The following SDK1 variants were observed in gnomAD, a reference collection of about 807,000 sequenced individuals.
The protein encoded by SDK1 is protein sidekick-1.
Under a neutral mutation model 245.5 loss-of-function variants are expected in SDK1, and 157 were observed. That is an observed-to-expected ratio of 0.64 (90% CI 0.56 to 0.73). The LOEUF is 0.73. Ranked by LOEUF, SDK1 falls within the 30% of genes least tolerant of loss-of-function variation. The pLI is 0.00. For missense variants in SDK1, 3,583 were observed against 3,002.3 expected, an observed-to-expected ratio of 1.19 and a Z score of -4.52; for synonymous variants, 1,647 against 1,278.5, an observed-to-expected ratio of 1.29 and a Z score of -6.15.
chr7:3,650,111 A>G (rs1180841104), intron 4 of SDK1, among the ~76,000 whole-genome samples: 1 of 151,930 alleles, frequency 6.6e-6, no homozygotes, highest in African/African-American at 2.4e-5. Flanking sequence ...CTGCCATGGC[A>G]TGATCATAGC....
In SDK1 at chr7:3,844,403, A is replaced by T. The variant is rs111801081; in HGVS notation, c.847+22820A>T. Among the ~76,000 whole-genome samples the T allele has an allele frequency of 2.2e-3, 339 of 152,224 alleles. 6 individuals carry two copies. In the South Asian group the frequency reaches 0.029, roughly 13 times the overall value. On this transcript the variant is annotated intron_variant, in intron 5 of 44. Coordinates refer to ENST00000404826, the MANE Select transcript of SDK1 (RefSeq NM_152744.4). ...TACACAGACAGGTGAGGAGGAGAGT[A>T]CTCCATCAGACCCACCCTAAATTGA...
intron 4 of SDK1, among the ~76,000 whole-genome samples, chr7:3,686,015 G>T (rs1308407565): frequency 1.3e-5 from 2 of 152,160 alleles, no homozygotes; most frequent in African/African-American, 2.4e-5. Context: ...CTCACTTAAA[G>T]TGCAATGACA....
chr7:3,774,073 G>T (rs1354933939), intron 4 of SDK1, among the ~76,000 whole-genome samples: 1 of 152,112 alleles, frequency 6.6e-6, no homozygotes. Flanking sequence ...AAATTAGCCA[G>T]GCATGGTGGC....
At chr7:3,469,850 T>G (rs922238108) in intron 1 of SDK1, among the ~76,000 whole-genome samples, 5 of 152,192 alleles carry the variant, frequency 3.3e-5, no homozygotes, top group African/African-American at 1.2e-4. Flanking sequence ...TCCTAAGATT[T>G]CAGATCAGGT....
intron 1 of SDK1, among the ~76,000 whole-genome samples, chr7:3,604,715 G>T (rs1337559229): frequency 1.3e-5 from 2 of 149,982 alleles, no homozygotes; most frequent in African/African-American, 4.9e-5. Flanking sequence ...TGATTCTGCT[G>T]CCTCAGCCTC....
intron 4 of SDK1, among the ~76,000 whole-genome samples, chr7:3,702,122 T>C (rs1356207881): frequency 1.3e-5 from 2 of 152,102 alleles, no homozygotes; most frequent in Non-Finnish European, 2.9e-5. Context: ...AGTCCATAAA[T>C]GTAAAAATTC....
intron 32 of SDK1, among the ~76,000 whole-genome samples, chr7:4,163,875 G>A (rs1781329463): frequency 6.6e-6 from 1 of 152,190 alleles, no homozygotes; most frequent in African/African-American, 2.4e-5. Flanking sequence ...TATGAAAGTG[G>A]CAATTTATGT....
intron 19 of SDK1, among the ~76,000 whole-genome samples, chr7:4,064,620 C>G (rs889613658): frequency 6.6e-6 from 1 of 152,192 alleles, no homozygotes; most frequent in African/African-American, 2.4e-5. Context: ...CCCATGCTTA[C>G]TGCAGCACCA....
intron 1 of SDK1, among the ~76,000 whole-genome samples, chr7:3,557,715 T>C (rs1439229030): frequency 3.9e-5 from 6 of 152,214 alleles, no homozygotes; most frequent in Non-Finnish European, 8.8e-5. Flanking sequence ...CTCTTTGTAT[T>C]ACATCCTATA....
chr7:3,509,497 T>C (rs944643059), intron 1 of SDK1, among the ~76,000 whole-genome samples: 1 of 152,228 alleles, frequency 6.6e-6, no homozygotes, highest in Non-Finnish European at 1.5e-5. Context: ...TGATAATTGC[T>C]ATGTAGGGGC....
intron 32 of SDK1, among the ~76,000 whole-genome samples, chr7:4,169,425 A>G (rs954442136): frequency 3.9e-5 from 6 of 152,046 alleles, no homozygotes; most frequent in African/African-American, 9.7e-5. Flanking sequence ...GGGCTACACC[A>G]GGCACTGTGC....
intron 1 of SDK1, among the ~76,000 whole-genome samples, chr7:3,453,634 C>A (rs567579385): frequency 6.6e-6 from 1 of 152,296 alleles, no homozygotes; most frequent in African/African-American, 2.4e-5. Flanking sequence ...AGCAGATTTC[C>A]CCTTAGAGCC....
rs1338670783 is a variant in SDK1 at position 3,889,021 on chromosome 7, C to G, written c.848-61902C>G. ...TTTTTAACTAGATGTGTTGATATTC[C>G]TTGATAATGTTTCAAGGATCCTGAC... On this transcript the variant is annotated intron_variant, in intron 5 of 44. Transcript: ENST00000404826. 4.6e-5 allele frequency among the ~76,000 whole-genome samples: 7 copies of G among 152,100 alleles called. No individual in the cohort carries two copies. In the East Asian group the frequency reaches 1.3e-3, roughly 29 times the overall value.
At chr7:3,790,173 G>A (rs1340223477) in intron 4 of SDK1, among the ~76,000 whole-genome samples, 1 of 152,174 alleles carries the variant, frequency 6.6e-6, no homozygotes, top group East Asian at 1.9e-4. Context: ...TCCTTCCTCA[G>A]ACACCAGCAA....
At chr7:3,486,837 C>CTAGATAATATTGTGA (rs1164969277) in intron 1 of SDK1, among the ~76,000 whole-genome samples, 9 of 151,786 alleles carry the variant, frequency 5.9e-5, no homozygotes, top group African/African-American at 1.9e-4. Context: ...GTGAACATTC[C>CTAGATAATATTGTGA]ACATGTTTGA....
intron 2 of SDK1, among the ~76,000 whole-genome samples, chr7:3,626,101 A>C (rs1426289472): frequency 6.6e-6 from 1 of 150,860 alleles, no homozygotes; most frequent in East Asian, 2.0e-4. Context: ...GTGCCACCAC[A>C]ACTAGCTATT....
At chr7:3,926,747 G>T (rs918583533) in intron 5 of SDK1, among the ~76,000 whole-genome samples, 2 of 152,204 alleles carry the variant, frequency 1.3e-5, no homozygotes, top group African/African-American at 2.4e-5. Context: ...CTACGACTCC[G>T]TAAGGCACGG....
At chr7:4,256,041 T>A (rs1450956868) in intron 44 of SDK1, among the ~76,000 whole-genome samples, 2 of 147,600 alleles carry the variant, frequency 1.4e-5, no homozygotes, top group Admixed American at 1.4e-4. Context: ...CACCTCAGCC[T>A]CCCAAGTAGC....
chr7:4,103,226 T>A (rs933484784), intron 22 of SDK1, among the ~76,000 whole-genome samples: 2 of 152,134 alleles, frequency 1.3e-5, no homozygotes, highest in East Asian at 3.9e-4. Context: ...GGTCTCAATC[T>A]CCTGACCTTG....
Sources: gnomAD v4.1 joint callset for allele counts (sites outside exome capture counted in the v4.1 genomes callset) on GRCh38, gnomAD v4.1.1 for gene constraint, MANE v1.5 for transcripts, NCBI Gene and HGNC (gene_info 2026-07-23, HGNC 2026-07-21) for gene names.